The following TPTE variants were observed in gnomAD, a reference collection of about 807,000 sequenced individuals.
TPTE encodes the protein putative tyrosine-protein phosphatase TPTE.
TPTE carries 59 observed loss-of-function variants against 84.1 expected under a neutral mutation model. That is an observed-to-expected ratio of 0.70 (90% confidence interval 0.57 to 0.87). The LOEUF (loss-of-function observed/expected upper bound fraction) is 0.87. Among genes scored for constraint, TPTE ranks in the 40% least tolerant of loss-of-function variants. TPTE has a pLI of 0.00. For synonymous variants in TPTE, 130 were observed against 223.5 expected (o/e 0.58, Z 3.73); for missense variants, 382 against 659.6 (o/e 0.58, Z 4.61).
intron 18 of TPTE, among the ~76,000 whole-genome samples, chr21:10,591,096 G>A (rs1360873006): frequency 1.3e-5 from 2 of 152,306 alleles, no homozygotes; most frequent in African/African-American, 2.4e-5. Context: ...TAGATAAAAA[G>A]CAACATTTCA....
chr21:10,576,634 G>C (rs78233111), intron 14 of TPTE: 1 of 152,508 alleles, frequency 6.6e-6, no homozygotes, highest in Non-Finnish European at 1.5e-5. Context: ...TCAATATTAA[G>C]CCAGTAAACA....
intron 14 of TPTE, among the ~76,000 whole-genome samples, chr21:10,572,003 TCAA>T (rs1600927469): frequency 7.4e-6 from 1 of 135,210 alleles, no homozygotes; most frequent in East Asian, 2.1e-4. Context: ...ATACCCTGTC[TCAA>T]AAAAAAAAAA....
At chr21:10,565,036 A>T (rs2074892475) in intron 10 of TPTE, among the ~76,000 whole-genome samples, 1 of 152,302 alleles carries the variant, frequency 6.6e-6, no homozygotes, top group South Asian at 2.1e-4. Context: ...GAATAAAAAA[A>T]GAAATCCAAA....
At chr21:10,585,248 A>G (rs2075342273) in intron 17 of TPTE, among the ~76,000 whole-genome samples, 1 of 152,274 alleles carries the variant, frequency 6.6e-6, no homozygotes, top group Non-Finnish European at 1.5e-5. Flanking sequence ...AAACAAAAAA[A>G]AAAAAAAAGA....
chr21:10,579,612 TCCA>T (rs1302146469), intron 17 of TPTE, among the ~76,000 whole-genome samples: 10 of 152,422 alleles, frequency 6.6e-5, no homozygotes, highest in South Asian at 2.1e-4. Flanking sequence ...TTTTTTAGAT[TCCA>T]CAAATAAGCA....
intron 14 of TPTE, among the ~76,000 whole-genome samples, chr21:10,571,836 G>A (rs1239308054): frequency 3.9e-5 from 6 of 152,278 alleles, no homozygotes; most frequent in East Asian, 1.9e-4. Context: ...GCGAAATCCT[G>A]TCTCTAAAAA....
At chr21:10,522,164 G>T (rs469874) in intron 1 of TPTE, among the ~76,000 whole-genome samples, 1 of 152,130 alleles carries the variant, frequency 6.6e-6, no homozygotes. Flanking sequence ...AGGATGACCT[G>T]AGTTCCCCGT....
At chr21:10,534,274 G>C (rs1472988986) in intron 3 of TPTE, among the ~76,000 whole-genome samples, 2 of 152,312 alleles carry the variant, frequency 1.3e-5, no homozygotes, top group African/African-American at 2.4e-5. Flanking sequence ...ATGTAGGCAG[G>C]TGGAGGAGTG....
At chr21:10,571,378 G>A (rs559090062) in intron 14 of TPTE, among the ~76,000 whole-genome samples, 14 of 152,412 alleles carry the variant, frequency 9.2e-5, no homozygotes, top group Admixed American at 2.6e-4. Flanking sequence ...CTCTGTGAAA[G>A]CTCCCTAACA....
At chr21:10,601,953 ACC>A in intron 21 of TPTE, 103 bp from the exon 22 acceptor site, 2 of 1,297,192 alleles carry the variant, frequency 1.5e-6, no homozygotes, top group Non-Finnish European at 2.2e-6. Flanking sequence ...GGGCTGTGAG[ACC>A]AAAAGTACTT....
At chr21:10,600,945 C>T (rs1302959530) in intron 21 of TPTE, among the ~76,000 whole-genome samples, 2 of 152,312 alleles carry the variant, frequency 1.3e-5, no homozygotes, top group African/African-American at 4.8e-5. Context: ...CCCCACTCTC[C>T]CCCTCCCTTG....
At chr21:10,526,077 G>A (rs199660638) in intron 2 of TPTE, among the ~76,000 whole-genome samples, 2,391 of 151,490 alleles carry the variant, frequency 0.016, no homozygotes, top group East Asian at 0.15. Flanking sequence ...ATTTATTAGT[G>A]TATTCTGCAT....
At chr21:10,538,853 C>T (rs1302656298) in intron 4 of TPTE, 119 bp downstream of exon 4, 3 of 1,603,018 alleles carry the variant, frequency 1.9e-6, no homozygotes, top group African/African-American at 2.7e-5. Flanking sequence ...CATCCGTACA[C>T]ACTTCTCTCA....
intron 17 of TPTE, among the ~76,000 whole-genome samples, chr21:10,585,970 C>A (rs1360597667): frequency 2.6e-4 from 39 of 152,266 alleles, no homozygotes; most frequent in African/African-American, 9.2e-4. Flanking sequence ...CCCCTTTTTT[C>A]TTCTGAGTAG....
intron 20 of TPTE, among the ~76,000 whole-genome samples, chr21:10,596,863 A>T (rs1487643279): frequency 6.6e-6 from 1 of 152,310 alleles, no homozygotes; most frequent in South Asian, 2.1e-4. Context: ...TCTGGTAGAC[A>T]TCAATAGAAA....
intron 2 of TPTE, among the ~76,000 whole-genome samples, chr21:10,525,031 G>A (rs1215749710): frequency 6.6e-6 from 1 of 152,310 alleles, no homozygotes; most frequent in Non-Finnish European, 1.5e-5. Flanking sequence ...TTCCTACAGG[G>A]GCAGCTGGTT....
intron 17 of TPTE, among the ~76,000 whole-genome samples, chr21:10,581,960 C>T (rs2075279046): frequency 6.6e-6 from 1 of 152,310 alleles, no homozygotes; most frequent in African/African-American, 2.4e-5. Flanking sequence ...GTCTCGAACC[C>T]CTGGACTCAA....
chr21:10,534,464 A>C (rs1337953392), intron 3 of TPTE, among the ~76,000 whole-genome samples: 2 of 152,308 alleles, frequency 1.3e-5, no homozygotes, highest in African/African-American at 2.4e-5. Context: ...TGTTTTTTTT[A>C]GAACAGCTAG....
At chr21:10,545,540 AATTTGATATAT>A (rs1490281852) in intron 7 of TPTE, among the ~76,000 whole-genome samples, 2 of 152,308 alleles carry the variant, frequency 1.3e-5, no homozygotes, top group Non-Finnish European at 2.9e-5. Flanking sequence ...GTCTTTCACT[AATTTGATATAT>A]ATTTGATATA....
Sources: allele counts gnomAD v4.1 joint callset (sites outside exome capture counted in the v4.1 genomes callset), GRCh38; gene constraint gnomAD v4.1.1; transcripts MANE v1.5; gene names NCBI Gene and HGNC (gene_info 2026-07-23, HGNC 2026-07-21).